Variants in THOC2 observed in about 807,000 individuals in gnomAD.
The protein encoded by THOC2 is THO complex 2.
A neutral mutation model predicts 128.4 loss-of-function variants in THOC2; 10 were observed. That is an observed-to-expected ratio of 0.08 (90% CI 0.05 to 0.13). The LOEUF (loss-of-function observed/expected upper bound fraction) is 0.13. Among genes scored for constraint, THOC2 ranks in the 10% least tolerant of loss-of-function variants. THOC2 has a pLI of 1.00. For missense variants in THOC2, 535 were observed against 1,155.7 expected, an observed-to-expected ratio of 0.46 and a Z score of 7.79; for synonymous variants, 393 against 396.9, an observed-to-expected ratio of 0.99 and a Z score of 0.12.
chrX:123,665,577 T>A (rs2049017441), intron 12 of THOC2, 65 bp downstream of exon 12: 2 of 753,893 alleles, frequency 2.7e-6, no homozygotes, highest in Admixed American at 3.4e-5. Context: ...AAGATACTCA[T>A]AACACAAGTA....
chrX:123,697,666 T>G lies in THOC2; in HGVS notation c.345+15A>C. ...TGCAGATTTTTAAAAGGGAAAAATA[T>G]TTTTAAAAACTTACCAAACATGCTA... is the stretch of plus-strand genomic sequence containing the variant. On this transcript the variant is annotated intron_variant, in intron 5 of 38. Coordinates refer to ENST00000245838, the MANE Select transcript of THOC2 (RefSeq NM_001081550.2). 4 of 970,202 alleles carry G rather than the reference T, an allele frequency of 4.1e-6. No homozygotes were observed. The highest frequency in any genetic ancestry group is 1.9e-5 in the African/African-American group (1 of 52,359). 80.0% of individuals were successfully genotyped at this position (970,202 alleles called of 1,213,427 possible). A position where few individuals can be genotyped will look rare whatever the true frequency, so the allele number is the denominator to read the frequency against.
At chrX:123,732,597 C>G (rs1224283221) in intron 1 of THOC2, among the ~76,000 whole-genome samples, 2 of 111,933 alleles carry the variant, frequency 1.8e-5, no homozygotes, top group Non-Finnish European at 3.8e-5. Context: ...TGCCCCGGCT[C>G]AGCCCCATAA....
intron 1 of THOC2, among the ~76,000 whole-genome samples, chrX:123,730,720 G>A (rs1403967282): frequency 1.8e-5 from 2 of 111,514 alleles, no homozygotes; most frequent in African/African-American, 3.3e-5. Flanking sequence ...CGAGGTGGGC[G>A]GATCACCAGG....
Position 123,665,701 on chromosome X carries a change from A to C in THOC2, c.1327T>G (p.Ser443Ala). 2.5e-6 allele frequency: 3 copies of C among 1,201,430 alleles called. No homozygotes were observed. The highest frequency in any genetic ancestry group is 3.4e-6 in the Non-Finnish European group (3 of 890,250). The change falls in exon 12 of 39, where the codon TCT becomes GCT. Residue 443 changes from serine to alanine, a missense_variant. By Grantham distance (99) the Ser-to-Ala change is moderately conservative (BLOSUM62 1). Coordinates refer to ENST00000245838, the MANE Select transcript of THOC2 (RefSeq NM_001081550.2). ...TTTGCAAATAAAATGGGATCGTGAG[A>C]AAGGTGAGGACCAAGGTAACAGAAC... ...NMFCYLGPHL[S>A]HDPILFAKVV...
At chrX:123,684,687 C>T (rs1191745156) in intron 8 of THOC2, among the ~76,000 whole-genome samples, 2 of 112,099 alleles carry the variant, frequency 1.8e-5, no homozygotes, top group African/African-American at 3.2e-5. Flanking sequence ...TGCACCCAGC[C>T]GCCACTGCTC....
At chrX:123,610,223 G>A (rs1186786279) in intron 38 of THOC2, 1 of 108,418 alleles carries the variant, frequency 9.2e-6, no homozygotes, top group African/African-American at 3.4e-5. Context: ...TATCCACTAT[G>A]ATGGAAACAC....
intron 12 of THOC2, among the ~76,000 whole-genome samples, chrX:123,659,938 C>G (rs1195494130): frequency 1.8e-5 from 2 of 111,953 alleles, no homozygotes; most frequent in African/African-American, 6.5e-5. Flanking sequence ...AGCTAGACAA[C>G]AAAAGCCATT....
intron 21 of THOC2, among the ~76,000 whole-genome samples, chrX:123,632,512 AAAG>A (rs2047524417): frequency 9.3e-6 from 1 of 108,036 alleles, no homozygotes; most frequent in African/African-American, 3.4e-5. Flanking sequence ...AAAAAAAAAA[AAAG>A]GGAAAAGAGA....
chrX:123,703,890 T>TA (rs774877149), intron 3 of THOC2, among the ~76,000 whole-genome samples: 12 of 37,005 alleles, frequency 3.2e-4, no homozygotes, highest in African/African-American at 1.4e-3. Context: ...ACTCTGTCTT[T>TA]AAAAAAAAAA....
chrX:123,694,296 G>A (rs1260123649), intron 7 of THOC2, among the ~76,000 whole-genome samples: 2 of 111,538 alleles, frequency 1.8e-5, no homozygotes, highest in Non-Finnish European at 3.8e-5. Context: ...AAAACACTCA[G>A]GAAAGTGTGG....
In THOC2 at chrX:123,614,203, G is replaced by A. The variant is rs2046807079; in HGVS notation, c.4312-14C>T. On this transcript the variant is annotated splice_polypyrimidine_tract_variant and intron_variant, in intron 33 of 38. Coordinates refer to ENST00000245838, the MANE Select transcript of THOC2 (RefSeq NM_001081550.2). ...ATTAATGTAGAGCTGTTAAATTAAG[G>A]CAATATTACTAAAGATTATTAGTTT... 7 of 1,125,966 alleles carry A rather than the reference G, an allele frequency of 6.2e-6. No homozygotes were observed. The Admixed American group carries it at 1.1e-4, about 17-fold the overall frequency. 92.8% of individuals were successfully genotyped at this position (1,125,966 alleles called of 1,213,427 possible). A position where few individuals can be genotyped will look rare whatever the true frequency, so the allele number is the denominator to read the frequency against.
chrX:123,629,045 T>C (rs999948767), intron 22 of THOC2, among the ~76,000 whole-genome samples: 4 of 109,533 alleles, frequency 3.7e-5, no homozygotes, highest in South Asian at 3.9e-4. Flanking sequence ...TATTCTTAAT[T>C]GTATGAGGAA....
At chrX:123,604,773 A>G (rs991947069) in intron 38 of THOC2, among the ~76,000 whole-genome samples, 1 of 112,009 alleles carries the variant, frequency 8.9e-6, no homozygotes, top group Non-Finnish European at 1.9e-5. Context: ...GAGAAACTAT[A>G]AAATCAAGCC....
intron 23 of THOC2, among the ~76,000 whole-genome samples, 154 bp downstream of exon 23, chrX:123,627,539 C>T (rs977942886): frequency 9.0e-6 from 1 of 111,594 alleles, no homozygotes; most frequent in African/African-American, 3.3e-5. Flanking sequence ...TCCTGGCCCC[C>T]CACTCAGAAG....
rs148882025 is a variant in THOC2, at chrX:123,652,013, T to C, written c.1387-6638A>G. 3.1e-3 allele frequency among the ~76,000 whole-genome samples: 349 copies of C among 111,496 alleles called. 1 individual carries two copies. Among genetic ancestry groups the C allele is most frequent in the Middle Eastern group, 0.014 (3 of 217 alleles). ...CACAGGCCAACATCCCTGATGAACATAGATGCAAAAATCCTCAATAAAATA... is the reference window on the plus strand; with the variant it reads ...CACAGGCCAACATCCCTGATGAACACAGATGCAAAAATCCTCAATAAAATA... On this transcript the variant is annotated intron_variant, in intron 12 of 38. Coordinates refer to ENST00000245838, the MANE Select transcript of THOC2 (RefSeq NM_001081550.2).
At chrX:123,627,549 G>T in intron 23 of THOC2, 144 bp downstream of exon 23, 1 of 596,557 alleles carries the variant, frequency 1.7e-6, no homozygotes, top group Non-Finnish European at 2.5e-6. Context: ...CCACTCAGAA[G>T]TAACTATTAA....
At chrX:123,708,198 T>C (rs1299220793) in intron 2 of THOC2, among the ~76,000 whole-genome samples, 1 of 112,107 alleles carries the variant, frequency 8.9e-6, no homozygotes, top group East Asian at 2.8e-4. Flanking sequence ...CCCCCCTTAA[T>C]GAAAATACTA....
At position 123,730,248 on chromosome X, in the gene THOC2, C is replaced by T. The variant is rs187508818; in HGVS notation, c.71+2704G>A. Among the ~76,000 whole-genome samples the T allele has an allele frequency of 3.5e-3, 382 of 109,954 alleles. 2 individuals are homozygous for T. The highest frequency in any genetic ancestry group is 0.012 in the African/African-American group (361 of 30,221). On this transcript the variant is annotated intron_variant, in intron 1 of 38. Coordinates refer to ENST00000245838, the MANE Select transcript of THOC2 (RefSeq NM_001081550.2). The stretch of plus-strand genomic sequence containing the variant: ...TGCTGGAGTGCAACAGCGCGATCTC[C>T]GCTCACCGCAACTTCCGCCTCCCAG...
chrX:123,617,372 T>A lies in THOC2; in HGVS notation c.4311+2029A>T, dbSNP rs551562788. Reference sequence around the variant, plus strand: ...GCATGTGGAATAAATTAATTAAATTTTAAAGGCCTGCAAAACACCATTTTT... The same window carrying A: ...GCATGTGGAATAAATTAATTAAATTATAAAGGCCTGCAAAACACCATTTTT... On this transcript the variant is annotated intron_variant, in intron 33 of 38. Transcript: ENST00000245838. Among the ~76,000 whole-genome samples the A allele has an allele frequency of 1.1e-3, 120 of 110,806 alleles. 3 individuals carry two copies. The South Asian group carries it at 0.045, about 41-fold the overall frequency.
Sources: gnomAD v4.1 joint callset for allele counts (sites outside exome capture counted in the v4.1 genomes callset) on GRCh38, gnomAD v4.1.1 for gene constraint, MANE v1.5 for transcripts, NCBI Gene and HGNC (gene_info 2026-07-23, HGNC 2026-07-21) for gene names.